Variants in OSBPL5 observed in about 807,000 individuals in gnomAD.
The protein encoded by OSBPL5 is oxysterol binding protein like 5.
In OSBPL5, 71 loss-of-function variants were observed where a neutral mutation model predicts 111.2. That is an observed-to-expected ratio of 0.64 (90% CI 0.53 to 0.78). The LOEUF is 0.78. Ranked by LOEUF, OSBPL5 falls within the 30% of genes least tolerant of loss-of-function variation. The pLI, the probability that OSBPL5 is intolerant of heterozygous loss-of-function variation, is 0.00. For synonymous variants in OSBPL5, 549 were observed against 513.9 expected, an observed-to-expected ratio of 1.07 and a Z score of -0.93; for missense variants, 1,210 against 1,189.3, an observed-to-expected ratio of 1.02 and a Z score of -0.26.
chr11:3,095,646 T>C (rs965484981), intron 14 of OSBPL5, among the ~76,000 whole-genome samples: 1 of 152,176 alleles, frequency 6.6e-6, no homozygotes, highest in South Asian at 2.1e-4. Context: ...GTGGCAATAA[T>C]GACCTTCGCC....
At position 3,114,403 on chromosome 11, in the gene OSBPL5, A is replaced by G. The variant is rs147193191; in HGVS notation, c.691+5144T>C. On this transcript the variant is annotated intron_variant, in intron 7 of 21. Coordinates refer to ENST00000263650, the MANE Select transcript of OSBPL5 (RefSeq NM_020896.4). ...GGTTGTTTAAGAAAGAGGGATGTTC[A>G]GGACAAACCAGAAAGTCCAAGCGTG... Among the ~76,000 whole-genome samples, 1,389 of 152,222 alleles carry G rather than the reference A, an allele frequency of 9.1e-3. 24 individuals carry two copies. Among genetic ancestry groups the G allele is most frequent in the African/African-American group, 0.032 (1,334 of 41,538 alleles).
At chr11:3,102,135 C>T (rs908313106) in intron 12 of OSBPL5, 48 bp downstream of exon 12, 3 of 1,542,694 alleles carry the variant, frequency 1.9e-6, no homozygotes, top group Non-Finnish European at 2.6e-6. Context: ...CAGAGCCCCG[C>T]CCCATAGAGC....
chr11:3,119,575 C>T lies in OSBPL5; in HGVS notation c.663G>A (p.Leu221=). 3 of 1,579,250 alleles carry T rather than the reference C, an allele frequency of 1.9e-6. No homozygotes were observed. The highest frequency in any genetic ancestry group is 2.6e-6 in the Non-Finnish European group (3 of 1,167,136). ...CTGACTCGGAGGCGGCCCTGAAGAT[C>T]AGGTAGCTGCTGGGCAGGGGCTGTG... is the stretch of plus-strand genomic sequence containing the variant. ...SITQPLPSSY[L]IFRAASESDG... is the part of the protein sequence containing the mutation. Residue 221 remains leucine (L), a synonymous_variant, in exon 7 of 22, where the codon CTG becomes CTA. Transcript: ENST00000263650.
chr11:3,089,815 A>C (rs1267402500), intron 21 of OSBPL5, 31 bp downstream of exon 21: 6 of 1,542,586 alleles, frequency 3.9e-6, no homozygotes, highest in Non-Finnish European at 5.3e-6. Context: ...TCTGACCCGG[A>C]GTCTGGATGG....
chr11:3,137,255 G>A (rs1033383484), intron 1 of OSBPL5, among the ~76,000 whole-genome samples: 4 of 152,212 alleles, frequency 2.6e-5, no homozygotes, highest in Admixed American at 6.5e-5. Flanking sequence ...TGGGTGGACC[G>A]AATGCCTAGT....
At chr11:3,097,071 A>G (rs1314218185) in intron 14 of OSBPL5, among the ~76,000 whole-genome samples, 17 of 68,080 alleles carry the variant, frequency 2.5e-4, no homozygotes, top group South Asian at 1.0e-3. Flanking sequence ...AAGGGGGAAG[A>G]TGGAAGGAGG....
intron 1 of OSBPL5, among the ~76,000 whole-genome samples, chr11:3,144,991 T>G (rs1327719830): frequency 2.0e-5 from 3 of 152,362 alleles, no homozygotes; most frequent in Admixed American, 6.5e-5. Flanking sequence ...GTTCAGCCCA[T>G]TACAGGCAGC....
At chr11:3,129,763 T>G (rs1408202841) in intron 1 of OSBPL5, among the ~76,000 whole-genome samples, 3 of 152,212 alleles carry the variant, frequency 2.0e-5, no homozygotes, top group African/African-American at 7.2e-5. Context: ...TGCACCCACA[T>G]GCACCCCAGC....
Position 3,142,900 on chromosome 11 carries a change from G to A in OSBPL5, c.-21-13731C>T, listed in dbSNP as rs1159387546. Among the ~76,000 whole-genome samples the A allele has an allele frequency of 1.3e-5, 2 of 151,586 alleles. No individual in the cohort carries two copies. The highest frequency in any genetic ancestry group is 2.9e-5 in the Non-Finnish European group (2 of 67,926). On this transcript the variant is annotated intron_variant, in intron 1 of 21. Coordinates refer to ENST00000263650, the MANE Select transcript of OSBPL5 (RefSeq NM_020896.4). The surrounding 1 kb of genome is among the most constrained non-coding windows in gnomAD (Gnocchi z 7.1). ...AGGACAAAACCAGTCACCCAGGACA[G>A]CGGACGGCACACGGGGTGGGGGTGT... is the stretch of plus-strand genomic sequence containing the variant.
At chr11:3,143,866 G>A (rs1590714635) in intron 1 of OSBPL5, among the ~76,000 whole-genome samples, 1 of 152,240 alleles carries the variant, frequency 6.6e-6, no homozygotes, top group Non-Finnish European at 1.5e-5. Flanking sequence ...GCTGAGCAGG[G>A]CCCGAGGAAG....
chr11:3,131,699 T>C (rs144155628), intron 1 of OSBPL5, among the ~76,000 whole-genome samples: 46 of 79,090 alleles, frequency 5.8e-4, no homozygotes, highest in South Asian at 9.5e-4. Flanking sequence ...CCCATTCATC[T>C]ATCCATCCAT....
chr11:3,103,109 T>G (rs1590648510), intron 11 of OSBPL5, 130 bp downstream of exon 11: 3 of 723,964 alleles, frequency 4.1e-6, no homozygotes, highest in East Asian at 3.1e-5. Context: ...TCTGTGGGGG[T>G]GACCAGGATC....
intron 10 of OSBPL5, among the ~76,000 whole-genome samples, chr11:3,103,574 C>T (rs1015585772): frequency 1.3e-5 from 2 of 152,120 alleles, no homozygotes; most frequent in African/African-American, 2.4e-5. Flanking sequence ...CCAGGGTGCC[C>T]CTGTCTCCAG....
chr11:3,103,270 C>T lies in OSBPL5; in HGVS notation c.1295G>A (p.Trp432Ter), dbSNP rs757155665. The T allele has an allele frequency of 4.4e-6, 7 of 1,608,244 alleles. No individual in the cohort carries two copies. The highest frequency in any genetic ancestry group is 5.9e-6 in the Non-Finnish European group (7 of 1,177,342). ...CTTCTTGTAGAAGCCAGACAGGTAC[C>T]ACCGCAGCACCAGCTTCATGCGGCT... is the stretch of plus-strand genomic sequence containing the variant. The part of the protein sequence containing the change: ...AYSRMKLVLR[W>*]YLSGFYKKPK... Residue 432 changes from tryptophan (W) to a stop codon, truncating the protein, a stop_gained, in exon 11 of 22, where the codon TGG becomes TAG. Coordinates refer to ENST00000263650, the MANE Select transcript of OSBPL5 (RefSeq NM_020896.4). LOFTEE classifies it high-confidence loss of function.
At chr11:3,145,741 G>A (rs1160820349) in intron 1 of OSBPL5, among the ~76,000 whole-genome samples, 1 of 152,234 alleles carries the variant, frequency 6.6e-6, no homozygotes, top group Non-Finnish European at 1.5e-5. Context: ...CAGATGAGAA[G>A]AGGGAGGCCC....
At chr11:3,102,033 A>C (rs1461884160) in intron 12 of OSBPL5, 150 bp downstream of exon 12, 8 of 738,664 alleles carry the variant, frequency 1.1e-5, no homozygotes, top group South Asian at 7.0e-5. Flanking sequence ...GGCTGGGTCC[A>C]CAGCCCTTCC....
chr11:3,157,865 C>T (rs1244470113), intron 1 of OSBPL5, among the ~76,000 whole-genome samples: 2 of 152,154 alleles, frequency 1.3e-5, no homozygotes, highest in Admixed American at 6.5e-5. Flanking sequence ...GGTGCAGGGA[C>T]GAGGGTGGGG....
intron 1 of OSBPL5, among the ~76,000 whole-genome samples, chr11:3,145,466 C>T (rs924434442): frequency 6.6e-6 from 1 of 152,236 alleles, no homozygotes; most frequent in African/African-American, 2.4e-5. Context: ...ACAGCCTCCA[C>T]TGAACCTTCT....
chr11:3,094,143 A>T lies in OSBPL5; in HGVS notation c.1719+94T>A, dbSNP rs1857164018. Reference sequence around the variant, plus strand: ...TCCCCTTATGTGCACTGCCTTGGGGAACCTTCCTTGGGGCCTGGGGAGAGT... The same window carrying T: ...TCCCCTTATGTGCACTGCCTTGGGGTACCTTCCTTGGGGCCTGGGGAGAGT... On this transcript the variant is annotated intron_variant, in intron 15 of 21. Coordinates refer to ENST00000263650, the MANE Select transcript of OSBPL5 (RefSeq NM_020896.4). 9 of 1,249,344 alleles carry T rather than the reference A, an allele frequency of 7.2e-6. No homozygotes were observed. The East Asian group carries it at 2.2e-4, about 31-fold the overall frequency. The allele number at this position is 1,249,344 out of a possible 1,614,324, so 77.4% of individuals were successfully genotyped here.
Sources: allele counts gnomAD v4.1 joint callset (sites outside exome capture counted in the v4.1 genomes callset), GRCh38; gene constraint gnomAD v4.1.1; non-coding constraint Gnocchi (gnomAD v3.1); transcripts MANE v1.5; gene names NCBI Gene and HGNC (gene_info 2026-07-23, HGNC 2026-07-21).